Variants in DSCAM observed in about 807,000 individuals in gnomAD.
DSCAM encodes DS cell adhesion molecule.
Under a neutral mutation model 217.7 loss-of-function variants are expected in DSCAM, and 47 were observed. The observed-to-expected ratio is 0.22, with a 90% confidence interval of 0.17 to 0.28. DSCAM has a LOEUF of 0.28. Among genes scored for constraint, DSCAM ranks in the 10% least tolerant of loss-of-function variants. DSCAM has a pLI of 1.00. For missense variants in DSCAM, 2,080 were observed against 2,618.3 expected, an observed-to-expected ratio of 0.79 and a Z score of 4.49; for synonymous variants, 1,056 against 1,015.3, an observed-to-expected ratio of 1.04 and a Z score of -0.76.
At chr21:40,100,974 A>T (rs1311469510) in intron 20 of DSCAM, among the ~76,000 whole-genome samples, 3 of 152,220 alleles carry the variant, frequency 2.0e-5, no homozygotes, top group Non-Finnish European at 4.4e-5. Context: ...AAGAGAAGAC[A>T]TAAGAGTTCC....
At chr21:40,531,042 C>T (rs571527226) in intron 3 of DSCAM, among the ~76,000 whole-genome samples, 4 of 152,268 alleles carry the variant, frequency 2.6e-5, no homozygotes, top group South Asian at 2.1e-4. Flanking sequence ...GTTGGTCAGC[C>T]TCGTTCCCAC....
At chr21:40,240,347 TG>T (rs1264481340) in intron 11 of DSCAM, among the ~76,000 whole-genome samples, 53 of 134,372 alleles carry the variant, frequency 3.9e-4, no homozygotes, top group South Asian at 2.9e-3. Context: ...GCTTCCTCAC[TG>T]GTTTTTTTTT....
At chr21:40,026,552 G>A (rs377417131) in intron 32 of DSCAM, among the ~76,000 whole-genome samples, 7,252 of 143,596 alleles carry the variant, frequency 0.051, 190 homozygotes, top group South Asian at 0.063. Flanking sequence ...GAATCTGGGT[G>A]CTCCTGTATT....
intron 10 of DSCAM, among the ~76,000 whole-genome samples, chr21:40,280,007 T>G (rs930162872): frequency 6.6e-6 from 1 of 152,018 alleles, no homozygotes; most frequent in African/African-American, 2.4e-5. Flanking sequence ...AAATACCTAA[T>G]GCATCCAGGG....
chr21:40,192,179 T>C (rs2090958672), intron 11 of DSCAM, among the ~76,000 whole-genome samples: 1 of 152,160 alleles, frequency 6.6e-6, no homozygotes, highest in South Asian at 2.1e-4. Flanking sequence ...TCCTGCCCAT[T>C]TGCAGTCATT....
At chr21:40,675,209 C>T (rs931272749) in intron 3 of DSCAM, among the ~76,000 whole-genome samples, 3 of 152,046 alleles carry the variant, frequency 2.0e-5, no homozygotes, top group Admixed American at 6.6e-5. Context: ...AAATATTTGC[C>T]CCAGACCACG....
At chr21:40,734,805 C>T (rs551454176) in intron 1 of DSCAM, among the ~76,000 whole-genome samples, 1 of 152,174 alleles carries the variant, frequency 6.6e-6, no homozygotes, top group Non-Finnish European at 1.5e-5. Flanking sequence ...GGGTTGTTTT[C>T]CTGCTTGTTT....
intron 3 of DSCAM, among the ~76,000 whole-genome samples, chr21:40,480,743 G>C (rs908782735): frequency 2.6e-5 from 4 of 152,176 alleles, no homozygotes; most frequent in Non-Finnish European, 5.9e-5. Flanking sequence ...AAGTTTAAGT[G>C]ACAGTAAAGA....
At chr21:40,602,053 CTTT>C (rs761687929) in intron 3 of DSCAM, among the ~76,000 whole-genome samples, 21 of 89,494 alleles carry the variant, frequency 2.3e-4, no homozygotes, top group Non-Finnish European at 3.5e-4. Flanking sequence ...TCTGCTTCTA[CTTT>C]TTTTTTTTTT....
intron 11 of DSCAM, among the ~76,000 whole-genome samples, chr21:40,213,566 T>G (rs1009979052): frequency 3.3e-5 from 5 of 152,226 alleles, no homozygotes; most frequent in Non-Finnish European, 5.9e-5. Context: ...AATTCTAATT[T>G]AAATTATTAC....
intron 8 of DSCAM, among the ~76,000 whole-genome samples, chr21:40,333,013 G>A (rs1031778275): frequency 6.6e-6 from 1 of 152,142 alleles, no homozygotes; most frequent in Admixed American, 6.5e-5. Flanking sequence ...CATTATTGCC[G>A]GGATCAAGTG....
At chr21:40,632,057 G>T (rs148623540) in intron 3 of DSCAM, among the ~76,000 whole-genome samples, 4 of 152,212 alleles carry the variant, frequency 2.6e-5, no homozygotes, top group African/African-American at 9.6e-5. Context: ...CAGTTGAAGA[G>T]GGCATCCTTT....
At chr21:40,189,280 G>A (rs367758990) in intron 11 of DSCAM, 42 bp from the exon 12 acceptor site, 139 of 1,458,690 alleles carry the variant, frequency 9.5e-5, no homozygotes, top group Non-Finnish European at 1.2e-4. Context: ...GCAAAGCAGG[G>A]TTCTTGATTT....
At chr21:40,741,691 T>C (rs1418897082) in intron 1 of DSCAM, among the ~76,000 whole-genome samples, 1 of 152,168 alleles carries the variant, frequency 6.6e-6, no homozygotes. Flanking sequence ...GGATACTTCT[T>C]AGAAAAGCAG....
rs1601223197 is a variant in DSCAM at position 40,013,091 on chromosome 21, G to T, written c.5982C>A (p.Asp1994Glu). The T allele has an allele frequency of 2.5e-6, 4 of 1,591,028 alleles. No individual in the cohort carries two copies. Among genetic ancestry groups the T allele is most frequent in the Non-Finnish European group, 3.4e-6 (4 of 1,166,274 alleles). Residue 1994 changes from aspartate (D) to glutamate (E), a missense_variant, in exon 33 of 33, where the codon GAC (aspartate) becomes GAA (glutamate). Asp to Glu is a conservative substitution (Grantham distance 45). This residue lies in a region of DSCAM where 145 missense variants were observed against 138.5 expected (regional missense o/e 1.05). Transcript: ENST00000400454. ...TGTTTCCTTTCAAATGGCCCCGGGA[G>T]TCGAGCAGTGATTCTTGGGAGCTGC... ...KMSSSQESLLDSRGHLKGNNP... is the reference protein window; with the variant it reads ...KMSSSQESLLESRGHLKGNNP...
At position 40,334,182 on chromosome 21, in the gene DSCAM, C is replaced by T. The variant is rs1009385520; in HGVS notation, c.1783+3919G>A. Among the ~76,000 whole-genome samples, 8 of 152,270 alleles carry T rather than the reference C, an allele frequency of 5.3e-5. No homozygotes were observed. In the South Asian group the frequency reaches 1.7e-3, roughly 32 times the overall value. ...TTCAGGCCTTGGTGTTGAACATCAT[C>T]TATTCACTGATGTCACCAGATCTGC... On this transcript the variant is annotated intron_variant, in intron 8 of 32. Transcript: ENST00000400454.
intron 32 of DSCAM, among the ~76,000 whole-genome samples, chr21:40,031,409 CTGATTGAA>C (rs892865650): frequency 2.6e-4 from 40 of 152,302 alleles, no homozygotes; most frequent in Admixed American, 1.4e-3. Context: ...TGAATCCCTA[CTGATTGAA>C]TATCTCCTGA....
chr21:40,220,791 G>A (rs562675102), intron 11 of DSCAM, among the ~76,000 whole-genome samples: 3 of 152,148 alleles, frequency 2.0e-5, no homozygotes, highest in Non-Finnish European at 4.4e-5. Context: ...GTGCATGTGT[G>A]AAAAGCGGTA....
chr21:40,418,276 G>A (rs1018906458), intron 3 of DSCAM, among the ~76,000 whole-genome samples: 1 of 152,102 alleles, frequency 6.6e-6, no homozygotes, highest in African/African-American at 2.4e-5. Context: ...GCTGGCCAGA[G>A]GAAAGGATTC....
Sources: gnomAD v4.1 joint callset for allele counts (sites outside exome capture counted in the v4.1 genomes callset) on GRCh38, gnomAD v4.1.1 for gene constraint, gnomAD v4.1.1 regional missense constraint, MANE v1.5 for transcripts, NCBI Gene and HGNC (gene_info 2026-07-23, HGNC 2026-07-21) for gene names.